DLGAP2: variants seen among roughly 807,000 people sequenced by gnomAD.
DLGAP2 encodes disks large-associated protein 2.
Under a neutral mutation model 100.3 loss-of-function variants are expected in DLGAP2, and 26 were observed. The ratio of observed to expected loss-of-function variants is 0.26; its 90% CI spans 0.19 to 0.36. DLGAP2 has a LOEUF of 0.36. DLGAP2 is among the 10% of genes least tolerant of loss of function. The pLI, the probability that DLGAP2 is intolerant of heterozygous loss-of-function variation, is 1.00. For missense variants in DLGAP2, 1,858 were observed against 1,453.2 expected (o/e 1.28, Z -4.53); for synonymous variants, 886 against 630.1 (o/e 1.41, Z -6.08).
chr8:1,697,337 C>T (rs1301481349), intron 14 of DLGAP2, 38 bp downstream of exon 14: 5 of 1,551,492 alleles, frequency 3.2e-6, no homozygotes, highest in East Asian at 2.3e-5. Flanking sequence ...CCAGCAAACC[C>T]CCTTTCTCAC....
chr8:1,018,924 A>G (rs1801549935), intron 2 of DLGAP2: 1 of 152,308 alleles, frequency 6.6e-6, no homozygotes, highest in Admixed American at 6.5e-5. Context: ...GCTCAAGAGC[A>G]TTAGAACAGC....
rs569067753 is a variant in DLGAP2, at chr8:1,581,915, C to T, written c.1442+16021C>T. ...GAAGTGAAGGATACAGACAAAACAC[C>T]ACACATCTACACACCACAGTCAAAC... On this transcript the variant is annotated intron_variant, in intron 6 of 14. Transcript: ENST00000637795. Among the ~76,000 whole-genome samples the T allele has an allele frequency of 6.6e-4, 98 of 149,518 alleles. 1 individual carries two copies. In the Middle Eastern group the frequency reaches 0.012, roughly 18 times the overall value.
At chr8:776,079 G>A (rs1821507649) in intron 1 of DLGAP2, among the ~76,000 whole-genome samples, 2 of 151,728 alleles carry the variant, frequency 1.3e-5, no homozygotes, top group African/African-American at 4.9e-5. Flanking sequence ...TTAGTCTTGG[G>A]AGAGTGTATG....
chr8:863,874 TG>T (rs1307872535), intron 1 of DLGAP2, among the ~76,000 whole-genome samples: 1 of 152,002 alleles, frequency 6.6e-6, no homozygotes. Flanking sequence ...CCCAAGGAAA[TG>T]AGGTTGGTGT....
chr8:1,298,507 C>T (rs1030875780), intron 3 of DLGAP2, among the ~76,000 whole-genome samples: 4 of 152,126 alleles, frequency 2.6e-5, no homozygotes, highest in South Asian at 2.1e-4. Flanking sequence ...CCTCTGGCCC[C>T]GGAGAGTGCT....
chr8:1,344,475 A>G (rs1801510197), intron 3 of DLGAP2, among the ~76,000 whole-genome samples: 1 of 152,334 alleles, frequency 6.6e-6, no homozygotes, highest in African/African-American at 2.4e-5. Flanking sequence ...CCTGTTTGAC[A>G]TTAGTTACTG....
intron 1 of DLGAP2, among the ~76,000 whole-genome samples, chr8:796,849 A>G (rs1796046457): frequency 6.6e-6 from 1 of 151,946 alleles, no homozygotes; most frequent in African/African-American, 2.4e-5. Context: ...TCCTGGGGCC[A>G]CCTTCCTTTC....
intron 2 of DLGAP2, among the ~76,000 whole-genome samples, chr8:990,227 G>C (rs752931536): frequency 6.6e-5 from 10 of 151,960 alleles, no homozygotes; most frequent in Admixed American, 2.0e-4. Flanking sequence ...TGTTATATTT[G>C]TGTCGTGATG....
At chr8:917,821 C>T (rs1214245356) in intron 2 of DLGAP2, among the ~76,000 whole-genome samples, 7 of 152,086 alleles carry the variant, frequency 4.6e-5, no homozygotes, top group South Asian at 2.1e-4. Context: ...CCTCGGGATC[C>T]GCCTGCCTCG....
intron 6 of DLGAP2, among the ~76,000 whole-genome samples, chr8:1,599,756 C>T (rs1208020848): frequency 6.6e-6 from 1 of 152,100 alleles, no homozygotes; most frequent in Non-Finnish European, 1.5e-5. Context: ...TTATTTTGAG[C>T]CTATGTGTGT....
intron 3 of DLGAP2, among the ~76,000 whole-genome samples, chr8:1,316,142 G>C: frequency 8.0e-6 from 1 of 124,732 alleles, no homozygotes; most frequent in Non-Finnish European, 1.7e-5. Flanking sequence ...TGCGAGTGCA[G>C]CGTCTCCCCA....
intron 2 of DLGAP2, among the ~76,000 whole-genome samples, chr8:968,347 G>A (rs1426648420): frequency 6.6e-6 from 1 of 152,176 alleles, no homozygotes; most frequent in African/African-American, 2.4e-5. Context: ...CAGATGGTCA[G>A]TAGGAATGGG....
At chr8:1,672,281 C>A (rs1478832137) in intron 10 of DLGAP2, among the ~76,000 whole-genome samples, 1 of 146,770 alleles carries the variant, frequency 6.8e-6, no homozygotes, top group Non-Finnish European at 1.5e-5. Flanking sequence ...GGCTGAAGTG[C>A]GTGGCACGAT....
intron 2 of DLGAP2, among the ~76,000 whole-genome samples, chr8:1,005,243 C>T (rs913242438): frequency 6.6e-6 from 1 of 152,142 alleles, no homozygotes; most frequent in Non-Finnish European, 1.5e-5. Context: ...CTTGAGGGAA[C>T]AGCTGTGGAG....
chr8:1,200,300 C>G (rs1321145510), intron 2 of DLGAP2, among the ~76,000 whole-genome samples: 1 of 152,198 alleles, frequency 6.6e-6, no homozygotes, highest in Non-Finnish European at 1.5e-5. Context: ...GCTCCGGGGT[C>G]CTGCGTGTTC....
intron 1 of DLGAP2, among the ~76,000 whole-genome samples, chr8:877,723 C>T (rs1292473829): frequency 6.6e-6 from 1 of 152,220 alleles, no homozygotes; most frequent in Non-Finnish European, 1.5e-5. Flanking sequence ...AGTTGCATTT[C>T]ACCACAAATT....
intron 2 of DLGAP2, among the ~76,000 whole-genome samples, chr8:1,209,826 G>C (rs1347134415): frequency 6.6e-6 from 1 of 152,182 alleles, no homozygotes; most frequent in Non-Finnish European, 1.5e-5. Context: ...AGCTCACTGA[G>C]ATATTAGGAC....
chr8:1,546,037 T>C (rs1005307399), intron 4 of DLGAP2, among the ~76,000 whole-genome samples: 6 of 152,262 alleles, frequency 3.9e-5, no homozygotes, highest in South Asian at 4.1e-4. Flanking sequence ...AGTTTTGCTA[T>C]TTAGCAGTTG....
chr8:1,196,693 C>A (rs1177518931), intron 2 of DLGAP2, among the ~76,000 whole-genome samples: 3 of 152,100 alleles, frequency 2.0e-5, no homozygotes, highest in Non-Finnish European at 4.4e-5. Flanking sequence ...TGCCATCTGC[C>A]ATGATTTCCC....
Sources: gnomAD v4.1 joint callset for allele counts (sites outside exome capture counted in the v4.1 genomes callset) on GRCh38, gnomAD v4.1.1 for gene constraint, MANE v1.5 for transcripts, NCBI Gene and HGNC (gene_info 2026-07-23, HGNC 2026-07-21) for gene names.